Variants in KIF26B observed in about 807,000 individuals in gnomAD.
KIF26B encodes kinesin-like protein KIF26B.
Under a neutral mutation model 151.2 loss-of-function variants are expected in KIF26B, and 63 were observed. The observed-to-expected ratio is 0.42, with a 90% CI of 0.34 to 0.51. The LOEUF is 0.51. Ranked by LOEUF, KIF26B falls within the 20% of genes least tolerant of loss-of-function variation. The probability of loss-of-function intolerance (pLI) is 0.07; values close to 1 mark genes in which losing one functional copy is unlikely to be tolerated. For synonymous variants in KIF26B, 1,357 were observed against 1,262.1 expected, an observed-to-expected ratio of 1.08 and a Z score of -1.59; for missense variants, 2,813 against 2,913.6, an observed-to-expected ratio of 0.97 and a Z score of 0.79.
At chr1:245,638,983 C>G (rs1031362245) in intron 9 of KIF26B, among the ~76,000 whole-genome samples, 4 of 151,664 alleles carry the variant, frequency 2.6e-5, no homozygotes, top group African/African-American at 9.7e-5. Flanking sequence ...GTCAGGGTGG[C>G]CTTGTAGAAT....
In KIF26B at chr1:245,685,545, C is replaced by T. The variant is rs751159516; in HGVS notation, c.2562C>T (p.Tyr854=). ...CTCACCTGTCCAGCGACCCCGACTA[C>T]TCCTCCAGCAGCGAGCAGTCCTGCG... ...PIAHLSSDPD[Y]SSSSEQSCDT... The change falls in exon 12 of 15, where the codon TAC becomes TAT. Residue 854 remains tyrosine (Y), a synonymous_variant. Coordinates refer to ENST00000407071, the MANE Select transcript of KIF26B (RefSeq NM_018012.4). The T allele has an allele frequency of 6.2e-7, 1 of 1,613,730 alleles. No individual in the cohort carries two copies. Among genetic ancestry groups the T allele is most frequent in the Admixed American group, 1.7e-5 (1 of 60,020 alleles).
chr1:245,638,534 A>C (rs1327230354), intron 9 of KIF26B, among the ~76,000 whole-genome samples: 1 of 151,746 alleles, frequency 6.6e-6, no homozygotes, highest in African/African-American at 2.4e-5. Context: ...ATTACAGTTT[A>C]TAGTTCACCA....
intron 2 of KIF26B, among the ~76,000 whole-genome samples, chr1:245,284,668 A>G (rs912918670): frequency 3.3e-5 from 5 of 152,244 alleles, no homozygotes; most frequent in Non-Finnish European, 7.3e-5. Context: ...GCAAATACCA[A>G]TAAAATAGCA....
intron 2 of KIF26B, among the ~76,000 whole-genome samples, chr1:245,351,650 G>C (rs1426928779): frequency 6.6e-6 from 1 of 152,226 alleles, no homozygotes; most frequent in Non-Finnish European, 1.5e-5. Flanking sequence ...CAAGGCTCAA[G>C]AAGATTGAAT....
intron 4 of KIF26B, among the ~76,000 whole-genome samples, chr1:245,482,161 G>A (rs1368150063): frequency 1.3e-5 from 2 of 151,576 alleles, no homozygotes; most frequent in Non-Finnish European, 3.0e-5. Flanking sequence ...GCACGATCTC[G>A]GCTCCCTGCA....
chr1:245,508,477 TG>T (rs761248517), intron 4 of KIF26B, among the ~76,000 whole-genome samples: 5 of 152,284 alleles, frequency 3.3e-5, no homozygotes, highest in Admixed American at 2.0e-4. Context: ...CCTTACCTCG[TG>T]ATCCTCCCGC....
intron 2 of KIF26B, among the ~76,000 whole-genome samples, chr1:245,175,943 T>TATATAG (rs1402999430): frequency 8.1e-6 from 1 of 123,028 alleles, no homozygotes; most frequent in East Asian, 2.0e-4. Context: ...GATGTCTATA[T>TATATAG]ATATAGATAT....
intron 4 of KIF26B, among the ~76,000 whole-genome samples, chr1:245,482,554 G>A (rs751966828): frequency 2.0e-5 from 3 of 151,750 alleles, no homozygotes; most frequent in African/African-American, 7.2e-5. Flanking sequence ...AAAGCTGCCC[G>A]AGGGTACCCT....
Position 245,509,907 on chromosome 1 carries a change from C to T in KIF26B, c.1167-30860C>T, listed in dbSNP as rs115226665. 8.7e-3 allele frequency among the ~76,000 whole-genome samples: 1,321 copies of T among 152,298 alleles called. 8 individuals are homozygous for T. Among genetic ancestry groups the T allele is most frequent in the Non-Finnish European group, 0.013 (918 of 68,030 alleles). On this transcript the variant is annotated intron_variant, in intron 4 of 14. Coordinates refer to ENST00000407071, the MANE Select transcript of KIF26B (RefSeq NM_018012.4). ...CTTCTTCTTCCTTAAACATCTTCAC[C>T]GGTTCCTGTGCTATTACAGAGCCCC...
At chr1:245,568,432 C>T (rs1040729458) in intron 5 of KIF26B, among the ~76,000 whole-genome samples, 7 of 150,532 alleles carry the variant, frequency 4.7e-5, no homozygotes, top group African/African-American at 7.3e-5. Flanking sequence ...ATCGCTTGAG[C>T]GTAGGAGGTT....
chr1:245,220,518 C>T (rs1204895007), intron 2 of KIF26B, among the ~76,000 whole-genome samples: 1 of 152,070 alleles, frequency 6.6e-6, no homozygotes, highest in Non-Finnish European at 1.5e-5. Context: ...GAAGCCTCCG[C>T]GGGGTGAGGT....
intron 2 of KIF26B, among the ~76,000 whole-genome samples, chr1:245,305,660 C>T (rs72761122): frequency 0.17 from 25,611 of 152,044 alleles, 2,490 homozygotes; most frequent in African/African-American, 0.26. Flanking sequence ...GAAATGAGGC[C>T]GGTCGCAGTG....
chr1:245,219,846 A>T (rs73127144), intron 2 of KIF26B, among the ~76,000 whole-genome samples: 2 of 152,296 alleles, frequency 1.3e-5, no homozygotes, highest in African/African-American at 4.8e-5. Context: ...TCCAGGGAAG[A>T]GTTGGCTGCG....
At chr1:245,315,924 C>T (rs945273056) in intron 2 of KIF26B, among the ~76,000 whole-genome samples, 37 of 151,904 alleles carry the variant, frequency 2.4e-4, no homozygotes, top group Admixed American at 1.6e-3. Context: ...GGATACTTCG[C>T]CACAATAAAA....
intron 2 of KIF26B, among the ~76,000 whole-genome samples, chr1:245,228,649 A>C (rs1246944733): frequency 2.0e-5 from 3 of 152,158 alleles, no homozygotes; most frequent in Non-Finnish European, 4.4e-5. Context: ...ATAACAATAA[A>C]ATACAATTAT....
In KIF26B at chr1:245,537,276, G is replaced by A. The variant is rs138433127; in HGVS notation, c.1167-3491G>A. Among the ~76,000 whole-genome samples, 386 of 152,276 alleles carry A rather than the reference G, an allele frequency of 2.5e-3. 3 individuals carry two copies. The highest frequency in any genetic ancestry group is 8.8e-3 in the African/African-American group (367 of 41,546). ...ATGGGGATTGGACCAAGAATATTTG[G>A]AGGCTAGGATGACTGGAGCAGAATC... On this transcript the variant is annotated intron_variant, in intron 4 of 14. Transcript: ENST00000407071.
chr1:245,465,001 C>T (rs1199435778), intron 4 of KIF26B, among the ~76,000 whole-genome samples: 6 of 100,888 alleles, frequency 5.9e-5, no homozygotes, highest in South Asian at 3.0e-4. Context: ...TTTTTTGAGA[C>T]TGAGTCTCAC....
At chr1:245,425,007 G>A (rs930445602) in intron 4 of KIF26B, among the ~76,000 whole-genome samples, 7 of 150,692 alleles carry the variant, frequency 4.6e-5, no homozygotes, top group South Asian at 2.1e-4. Flanking sequence ...ACAACTGATC[G>A]TCAAGTTGGT....
chr1:245,686,573 C>G lies in KIF26B; in HGVS notation c.3590C>G (p.Thr1197Ser). 6.2e-7 allele frequency: 1 copy of G among 1,612,750 alleles called. No homozygotes were observed. The highest frequency in any genetic ancestry group is 1.1e-5 in the South Asian group (1 of 91,008). Residue 1197 changes from threonine (T) to serine (S), a missense_variant, in exon 12 of 15, where the codon ACC becomes AGC. Around this residue, in one of 3 missense-constraint regions of KIF26B, gnomAD observed 2,060 missense variants for 2,088.6 expected, o/e 0.99. Transcript: ENST00000407071. This position sits in a 1 kb window ranked among gnomAD's most constrained non-coding sequence, Gnocchi z 5.6. ...ELVFTLVEELTISGVLDSGRP... is the reference protein window; with the variant it reads ...ELVFTLVEELSISGVLDSGRP... ...GTGTTCACGCTGGTGGAGGAGCTGA[C>G]CATCAGCGGGGTCCTGGACAGCGGC... is the stretch of plus-strand genomic sequence containing the variant.
Sources: gnomAD v4.1 joint callset for allele counts (sites outside exome capture counted in the v4.1 genomes callset) on GRCh38, gnomAD v4.1.1 for gene constraint, gnomAD v4.1.1 regional missense constraint, Gnocchi (gnomAD v3.1) non-coding constraint, MANE v1.5 for transcripts, NCBI Gene and HGNC (gene_info 2026-07-23, HGNC 2026-07-21) for gene names.